CRISPLD2: variants seen among roughly 807,000 people sequenced by gnomAD.
CRISPLD2 encodes cysteine-rich secretory protein LCCL domain-containing 2.
CRISPLD2 carries 47 observed loss-of-function variants against 71.1 expected under a neutral mutation model. The ratio of observed to expected loss-of-function variants is 0.66; its 90% CI spans 0.52 to 0.84. The LOEUF is 0.84. Ranked by LOEUF, CRISPLD2 falls within the 40% of genes least tolerant of loss-of-function variation. The pLI, the probability that CRISPLD2 is intolerant of heterozygous loss-of-function variation, is 0.00. For missense variants in CRISPLD2, 830 were observed against 651.1 expected, an observed-to-expected ratio of 1.27 and a Z score of -2.99; for synonymous variants, 317 against 250.1, an observed-to-expected ratio of 1.27 and a Z score of -2.52.
chr16:84,896,065 G>C lies in CRISPLD2; in HGVS notation c.1439+6702G>C, dbSNP rs187937570. Reference sequence around the variant, plus strand: ...CTTTTTTTTTTTTTTTGGAGATGGAGTCTCCCTCTGTTGCCCAGGCTGGGA... The same window carrying C: ...CTTTTTTTTTTTTTTTGGAGATGGACTCTCCCTCTGTTGCCCAGGCTGGGA... On this transcript the variant is annotated intron_variant, in intron 14 of 14. Transcript: ENST00000262424. 8.7e-3 allele frequency among the ~76,000 whole-genome samples: 1,306 copies of C among 149,428 alleles called. 26 individuals are homozygous for C. Among genetic ancestry groups the C allele is most frequent in the African/African-American group, 0.031 (1,252 of 40,526 alleles).
At chr16:84,904,458 C>A (rs1166974487) in intron 14 of CRISPLD2, among the ~76,000 whole-genome samples, 1 of 152,104 alleles carries the variant, frequency 6.6e-6, no homozygotes, top group African/African-American at 2.4e-5. Flanking sequence ...GTGGTGTGCA[C>A]CTGTAATCCC....
In CRISPLD2 at chr16:84,880,555, C is replaced by T; in HGVS notation, c.1276C>T (p.Pro426Ser). The T allele has an allele frequency of 1.2e-6, 2 of 1,613,966 alleles. No homozygotes were observed. The highest frequency in any genetic ancestry group is 1.1e-5 in the South Asian group (1 of 91,062). ...HCKDEPSYWA[P>S]VFGTNIYADT... ...CAAAGACGAACCTTCCTACTGGGCTCCGGTGTTTGGAACCAACATCTATGC... is the reference window on the plus strand; with the variant it reads ...CAAAGACGAACCTTCCTACTGGGCTTCGGTGTTTGGAACCAACATCTATGC... The change falls in exon 13 of 15, where the codon CCG (proline) becomes TCG (serine). Residue 426 changes from proline to serine, a missense_variant. By Grantham distance (74) the Pro-to-Ser change is moderately conservative. Transcript: ENST00000262424.
intron 14 of CRISPLD2, among the ~76,000 whole-genome samples, chr16:84,895,219 C>T (rs144968999): frequency 6.6e-6 from 1 of 152,174 alleles, no homozygotes; most frequent in Non-Finnish European, 1.5e-5. Context: ...TGCCCAAGGT[C>T]ACCCAGCCTA....
At chr16:84,897,289 CAA>C (rs369389521) in intron 14 of CRISPLD2, among the ~76,000 whole-genome samples, 20 of 100,634 alleles carry the variant, frequency 2.0e-4, no homozygotes, top group Non-Finnish European at 2.1e-4. Context: ...ACTAAAAATA[CAA>C]AAAAAAAAAA....
At chr16:84,891,461 G>GT (rs748917716) in intron 14 of CRISPLD2, among the ~76,000 whole-genome samples, 79 of 152,260 alleles carry the variant, frequency 5.2e-4, no homozygotes, top group Non-Finnish European at 1.0e-3. Flanking sequence ...CAGCTTCCAC[G>GT]TTTTCTCCTT....
At chr16:84,838,375 G>A in intron 1 of CRISPLD2, 47 bp from the exon 2 acceptor site, 2 of 1,209,604 alleles carry the variant, frequency 1.7e-6, no homozygotes, top group South Asian at 1.4e-5. Flanking sequence ...CGCTGTGACC[G>A]GCTCCTACTA....
At position 84,866,987 on chromosome 16, in the gene CRISPLD2, C is replaced by G; in HGVS notation, c.800C>G (p.Pro267Arg). ...IPEENHVWLQ[P>R]RVMRPTKPKK... ...GAAGAAAACCATGTTTGGCTCCAACCGAGGGTGATGAGACCCACCAAGCCC... is the reference window on the plus strand; with the variant it reads ...GAAGAAAACCATGTTTGGCTCCAACGGAGGGTGATGAGACCCACCAAGCCC... Residue 267 changes from proline to arginine, a missense_variant, in exon 7 of 15, where the codon CCG becomes CGG. Physicochemically the swap from Pro to Arg is moderately radical, Grantham distance 103. Coordinates refer to ENST00000262424, the MANE Select transcript of CRISPLD2 (RefSeq NM_031476.4). 1.2e-6 allele frequency: 2 copies of G among 1,613,990 alleles called. No homozygotes were observed. The highest frequency in any genetic ancestry group is 1.7e-6 in the Non-Finnish European group (2 of 1,179,986).
chr16:84,886,454 G>A (rs1335446507), intron 13 of CRISPLD2, among the ~76,000 whole-genome samples: 2 of 152,124 alleles, frequency 1.3e-5, no homozygotes, highest in Non-Finnish European at 2.9e-5. Flanking sequence ...TCTCTCGAGG[G>A]GGCACTGATT....
chr16:84,847,838 C>A (rs552385922), intron 3 of CRISPLD2, among the ~76,000 whole-genome samples: 33 of 152,186 alleles, frequency 2.2e-4, no homozygotes, highest in African/African-American at 7.7e-4. Context: ...TTTTCTTTTT[C>A]CTTTTCATAC....
chr16:84,888,457 G>C lies in CRISPLD2; in HGVS notation c.1306-773G>C, dbSNP rs180846221. Among the ~76,000 whole-genome samples, 772 of 152,344 alleles carry C rather than the reference G, an allele frequency of 5.1e-3. 7 individuals are homozygous for C. Among genetic ancestry groups the C allele is most frequent in the African/African-American group, 0.018 (737 of 41,582 alleles). On this transcript the variant is annotated intron_variant, in intron 13 of 14. Transcript: ENST00000262424. ...AGGCTGAGGTGGGAGGATCCCTTGA[G>C]CCTGGAAGGTTTTATCACCCAGAAA... is the stretch of plus-strand genomic sequence containing the variant.
At chr16:84,893,013 G>A (rs993457591) in intron 14 of CRISPLD2, among the ~76,000 whole-genome samples, 1 of 146,696 alleles carries the variant, frequency 6.8e-6, no homozygotes, top group South Asian at 2.2e-4. Flanking sequence ...CTCATTCACT[G>A]AATATTCATC....
At chr16:84,860,211 C>G (rs1326569428) in intron 6 of CRISPLD2, among the ~76,000 whole-genome samples, 5 of 152,154 alleles carry the variant, frequency 3.3e-5, no homozygotes, top group African/African-American at 4.8e-5. Context: ...CCTTTTTTAA[C>G]TCCCTGAGCT....
chr16:84,906,722 G>C lies in CRISPLD2; in HGVS notation c.*80G>C, dbSNP rs1210968444. The C allele has an allele frequency of 1.3e-6, 2 of 1,506,792 alleles. No individual in the cohort carries two copies. Among genetic ancestry groups the C allele is most frequent in the Non-Finnish European group, 1.8e-6 (2 of 1,082,852 alleles). The allele number at this position is 1,506,792 out of a possible 1,614,324, so 93.3% of individuals were successfully genotyped here. On this transcript the variant is annotated 3_prime_UTR_variant, in exon 15 of 15. Coordinates refer to ENST00000262424, the MANE Select transcript of CRISPLD2 (RefSeq NM_031476.4). The stretch of plus-strand genomic sequence containing the variant: ...TTTATTTTTATTTTGTCATTGCGGG[G>C]TATATGGAGAGTCAGGAAACTTCCT...
chr16:84,822,732 T>C (rs900798717), intron 1 of CRISPLD2, among the ~76,000 whole-genome samples: 16 of 152,076 alleles, frequency 1.1e-4, no homozygotes, highest in Admixed American at 8.5e-4. Context: ...GACAGGGACC[T>C]AAAGCACGTT....
intron 14 of CRISPLD2, among the ~76,000 whole-genome samples, chr16:84,890,187 G>A (rs931344907): frequency 6.6e-6 from 1 of 151,854 alleles, no homozygotes; most frequent in African/African-American, 2.4e-5. Flanking sequence ...TGAAACCCCC[G>A]TCTCTACTAA....
At chr16:84,856,067 T>C (rs1917231043) in intron 6 of CRISPLD2, among the ~76,000 whole-genome samples, 1 of 152,260 alleles carries the variant, frequency 6.6e-6, no homozygotes, top group African/African-American at 2.4e-5. Context: ...GACTACCTTC[T>C]TCTACTGCCC....
At chr16:84,821,524 C>G (rs1279015681) in intron 1 of CRISPLD2, among the ~76,000 whole-genome samples, 1 of 152,178 alleles carries the variant, frequency 6.6e-6, no homozygotes, top group Non-Finnish European at 1.5e-5. Context: ...GCCTAAGATC[C>G]CCCAGCTGGT....
chr16:84,840,145 G>A (rs938476930), intron 2 of CRISPLD2: 2 of 152,242 alleles, frequency 1.3e-5, no homozygotes, highest in Non-Finnish European at 2.9e-5. Flanking sequence ...GAGACACGCT[G>A]CCGTCTCATC....
intron 1 of CRISPLD2, among the ~76,000 whole-genome samples, chr16:84,823,541 G>C (rs939224026): frequency 2.9e-4 from 44 of 152,324 alleles, no homozygotes; most frequent in African/African-American, 1.0e-3. Context: ...TTTGGCATTT[G>C]TGGGCAGTGT....
Sources: gnomAD v4.1 joint callset for allele counts (sites outside exome capture counted in the v4.1 genomes callset) on GRCh38, gnomAD v4.1.1 for gene constraint, MANE v1.5 for transcripts, NCBI Gene and HGNC (gene_info 2026-07-23, HGNC 2026-07-21) for gene names.